CERCAM: variants seen among roughly 807,000 people sequenced by gnomAD.
The protein encoded by CERCAM is cerebral endothelial cell adhesion molecule.
In CERCAM, 59 loss-of-function variants were observed where a neutral mutation model predicts 66.0. The observed-to-expected ratio is 0.89, with a 90% CI of 0.73 to 1.11. CERCAM has a LOEUF of 1.11. Among genes scored for constraint, CERCAM ranks in the 50% most tolerant of loss-of-function variants. The probability of loss-of-function intolerance (pLI) is 0.00; values close to 1 mark genes in which losing one functional copy is unlikely to be tolerated. For synonymous variants in CERCAM, 318 were observed against 343.6 expected (o/e 0.93, Z 0.83); for missense variants, 840 against 828.3 (o/e 1.01, Z -0.17).
At chr9:128,427,211 C>T (rs1833865505) in intron 5 of CERCAM, among the ~76,000 whole-genome samples, 1 of 151,976 alleles carries the variant, frequency 6.6e-6, no homozygotes, top group Non-Finnish European at 1.5e-5. Flanking sequence ...CTCCCGGGTT[C>T]AAGTGATTCT....
At chr9:128,429,184 A>G (rs1293420642) in intron 8 of CERCAM, 148 bp downstream of exon 8, 1 of 617,898 alleles carries the variant, frequency 1.6e-6, no homozygotes, top group Admixed American at 3.0e-5. Context: ...ATATCCTCTC[A>G]GGGAGTTCCG....
In CERCAM at chr9:128,422,947, G is replaced by C; in HGVS notation, c.277G>C (p.Ala93Pro). The change falls in exon 2 of 13, where the codon GCT becomes CCT. Residue 93 changes from alanine to proline, a missense_variant. Coordinates refer to ENST00000372838, the MANE Select transcript of CERCAM (RefSeq NM_016174.5). The stretch of plus-strand genomic sequence containing the variant: ...GGCGGCTGTGGGCGATGACTATGCT[G>C]CTGTGGTCTGGAGGCCTGAGGGCGA... ...WLAAVGDDYA[A>P]VVWRPEGEPR... 1 of 1,613,874 alleles carries C rather than the reference G, an allele frequency of 6.2e-7. No individual in the cohort carries two copies. The highest frequency in any genetic ancestry group is 1.3e-5 in the African/African-American group (1 of 75,042).
At chr9:128,426,280 C>G (rs1833844560) in intron 5 of CERCAM, among the ~76,000 whole-genome samples, 1 of 151,108 alleles carries the variant, frequency 6.6e-6, no homozygotes, top group Non-Finnish European at 1.5e-5. Context: ...AAGATGAGAC[C>G]CTGTCTGAAA....
rs150918802 is a variant in CERCAM at position 128,434,579 on chromosome 9, G to A, written c.1501G>A (p.Glu501Lys). ...QPLRRMLPVD[E>K]FLPIMFDQHP... ...TCTGCGCCGCATGCTGCCCGTGGACGAGTTCCTGCCCATCATGTTCGACCA... is the reference window on the plus strand; with the variant it reads ...TCTGCGCCGCATGCTGCCCGTGGACAAGTTCCTGCCCATCATGTTCGACCA... Residue 501 changes from glutamate (E) to lysine (K), a missense_variant, in exon 11 of 13, where the codon GAG becomes AAG. Physicochemically the swap from Glu to Lys is moderately conservative, Grantham distance 56. Coordinates refer to ENST00000372838, the MANE Select transcript of CERCAM (RefSeq NM_016174.5). The surrounding 1 kb of genome is among the most constrained non-coding windows in gnomAD (Gnocchi z 4.5). The A allele has an allele frequency of 1.5e-5, 24 of 1,610,610 alleles. No individual in the cohort carries two copies. The highest frequency in any genetic ancestry group is 8.0e-5 in the African/African-American group (6 of 75,046).
intron 5 of CERCAM, among the ~76,000 whole-genome samples, chr9:128,425,977 G>C (rs1833836989): frequency 6.6e-6 from 1 of 151,354 alleles, no homozygotes. Context: ...GCTAATTTTT[G>C]TATTTTTTGT....
At chr9:128,435,314 A>G (rs1834081966) in intron 11 of CERCAM, among the ~76,000 whole-genome samples, 1 of 152,034 alleles carries the variant, frequency 6.6e-6, no homozygotes, top group African/African-American at 2.4e-5. Context: ...TTGTGTTTTT[A>G]GTAGAGATGG....
chr9:128,421,691 G>T, intron 1 of CERCAM: 1 of 228,174 alleles, frequency 4.4e-6, no homozygotes, highest in Non-Finnish European at 7.3e-6. Flanking sequence ...GTACCCCCAG[G>T]GCACTGGGAT....
chr9:128,424,707 A>G, intron 5 of CERCAM, 93 bp downstream of exon 5: 6 of 1,161,366 alleles, frequency 5.2e-6, no homozygotes, highest in South Asian at 5.1e-5. Flanking sequence ...CCTACTCTGC[A>G]TTTCATCCTG....
At position 128,424,288 on chromosome 9, in the gene CERCAM, G is replaced by C. The variant is rs1833784533; in HGVS notation, c.561+16G>C. The C allele has an allele frequency of 1.4e-5, 23 of 1,613,736 alleles. No individual in the cohort carries two copies. Among genetic ancestry groups the C allele is most frequent in the Non-Finnish European group, 1.9e-5 (23 of 1,179,810 alleles). ...CACCCCCCAGGTGAGGCCGGGATGG[G>C]GGCCTTGGGTGGACTGAGGTCCTGG... On this transcript the variant is annotated intron_variant, in intron 4 of 12. Coordinates refer to ENST00000372838, the MANE Select transcript of CERCAM (RefSeq NM_016174.5).
In CERCAM at chr9:128,424,263, C is replaced by T. The variant is rs923628487; in HGVS notation, c.552C>T (p.Ile184=). The change falls in exon 4 of 13, where the codon ATC becomes ATT. Residue 184 remains isoleucine (I), a synonymous_variant. Transcript: ENST00000372838. ...ACTACTCCAACTTCTGGTGTGGGATCACCCCCCAGGTGAGGCCGGGATGGG... is the reference window on the plus strand; with the variant it reads ...ACTACTCCAACTTCTGGTGTGGGATTACCCCCCAGGTGAGGCCGGGATGGG... The part of the protein sequence containing the change: ...QTYYSNFWCG[I]TPQGYYRRTA... 9 of 1,614,110 alleles carry T rather than the reference C, an allele frequency of 5.6e-6. No individual in the cohort carries two copies. The highest frequency in any genetic ancestry group is 5.9e-6 in the Non-Finnish European group (7 of 1,179,990).
chr9:128,428,686 G>C, intron 6 of CERCAM, 71 bp from the exon 7 acceptor site: 4 of 1,533,696 alleles, frequency 2.6e-6, no homozygotes, highest in Non-Finnish European at 3.6e-6. Context: ...GAGGCTGGGG[G>C]CTAGGACTTC....
chr9:128,433,329 T>C (rs1834025790), intron 9 of CERCAM, among the ~76,000 whole-genome samples: 1 of 148,728 alleles, frequency 6.7e-6, no homozygotes, highest in Non-Finnish European at 1.5e-5. Flanking sequence ...TGGGCACCTG[T>C]AATCCCAGCT....
intron 4 of CERCAM, 48 bp from the exon 5 acceptor site, chr9:128,424,362 C>A (rs1363745063): frequency 6.2e-7 from 1 of 1,611,844 alleles, no homozygotes; most frequent in African/African-American, 1.3e-5. Context: ...GGTCTGTGGG[C>A]AGGGGCAGGG....
At chr9:128,432,979 C>A (rs990644091) in intron 9 of CERCAM, among the ~76,000 whole-genome samples, 2 of 151,924 alleles carry the variant, frequency 1.3e-5, no homozygotes, top group African/African-American at 2.4e-5. Flanking sequence ...ACTAAAAATA[C>A]AAAAATTAGC....
At chr9:128,423,301 G>A (rs780486736) in intron 3 of CERCAM, 38 bp downstream of exon 3, 17 of 1,519,676 alleles carry the variant, frequency 1.1e-5, no homozygotes, top group African/African-American at 2.7e-5. Context: ...TCTGAAAGGC[G>A]GTAGTATCCG....
upstream of CERCAM, chr9:128,420,412 G>C (rs1341784163): frequency 3.3e-5 from 5 of 152,294 alleles, no homozygotes; most frequent in African/African-American, 1.2e-4. This position sits in a 1 kb window ranked among gnomAD's most constrained non-coding sequence, Gnocchi z 5.0. Flanking sequence ...GGAAGCCCGG[G>C]AGGTGGTGGC....
Position 128,435,664 on chromosome 9 carries a change from A to T in CERCAM, c.1547A>T (p.Lys516Met). ...MFDQHPNEQY[K>M]AHFWPRDLVA... The stretch of plus-strand genomic sequence containing the variant: ...CTCTCACCTTACAGCGAGCAGTACA[A>T]GGCACACTTCTGGCCACGGGACCTG... The change falls in exon 12 of 13, where the codon AAG becomes ATG. Residue 516 changes from lysine (K) to methionine (M), a missense_variant. Physicochemically the swap from Lys to Met is moderately conservative, Grantham distance 95. Transcript: ENST00000372838. 1 of 1,612,116 alleles carries T rather than the reference A, an allele frequency of 6.2e-7. No individual in the cohort carries two copies. Among genetic ancestry groups the T allele is most frequent in the African/African-American group, 1.3e-5 (1 of 75,026 alleles).
Position 128,424,563 on chromosome 9 carries a change from A to T in CERCAM, c.715A>T (p.Thr239Ser). 1.2e-6 allele frequency: 2 copies of T among 1,613,992 alleles called. No individual in the cohort carries two copies. Among genetic ancestry groups the T allele is most frequent in the Non-Finnish European group, 1.7e-6 (2 of 1,180,008 alleles). ...LAFYPPHPNYTWPFDDIIVFA... is the reference protein window; with the variant it reads ...LAFYPPHPNYSWPFDDIIVFA... ...TTTCTACCCGCCACATCCCAACTAC[A>T]CTTGGCCTTTCGACGACATCATCGT... The change falls in exon 5 of 13, where the codon ACT (threonine) becomes TCT (serine). Residue 239 changes from threonine to serine, a missense_variant. By Grantham distance (58) the Thr-to-Ser change is moderately conservative. Coordinates refer to ENST00000372838, the MANE Select transcript of CERCAM (RefSeq NM_016174.5).
chr9:128,431,090 G>A (rs1833963164), intron 8 of CERCAM, 81 bp from the exon 9 acceptor site: 2 of 1,516,544 alleles, frequency 1.3e-6, no homozygotes, highest in South Asian at 1.2e-5. Context: ...CAGTGTGACT[G>A]TCCCCAACAT....
Sources: allele counts gnomAD v4.1 joint callset (sites outside exome capture counted in the v4.1 genomes callset), GRCh38; gene constraint gnomAD v4.1.1; non-coding constraint Gnocchi (gnomAD v3.1); transcripts MANE v1.5; gene names NCBI Gene and HGNC (gene_info 2026-07-23, HGNC 2026-07-21).